Variants in UNC5D observed in about 807,000 individuals in gnomAD.
UNC5D encodes the protein unc-5 netrin receptor D, also known as netrin receptor UNC5D.
UNC5D carries 39 observed loss-of-function variants against 105.4 expected under a neutral mutation model. The ratio of observed to expected loss-of-function variants is 0.37; its 90% confidence interval spans 0.29 to 0.48. The LOEUF is 0.48. UNC5D is among the 20% of genes least tolerant of loss of function. The pLI is 0.98. For synonymous variants in UNC5D, 452 were observed against 450.4 expected (o/e 1.00, Z -0.04); for missense variants, 991 against 1,202.4 (o/e 0.82, Z 2.60).
At chr8:35,456,612 C>G (rs1484939738) in intron 1 of UNC5D, among the ~76,000 whole-genome samples, 1 of 152,132 alleles carries the variant, frequency 6.6e-6, no homozygotes, top group African/African-American at 2.4e-5. Flanking sequence ...TGTGACTTGT[C>G]AAAGCGTCAC....
At chr8:35,630,695 T>C (rs1821986326) in intron 4 of UNC5D, among the ~76,000 whole-genome samples, 1 of 152,138 alleles carries the variant, frequency 6.6e-6, no homozygotes, top group Non-Finnish European at 1.5e-5. Flanking sequence ...TAGTGATTCG[T>C]AAGGCGGGAA....
chr8:35,398,332 C>T (rs1209696101), intron 1 of UNC5D, among the ~76,000 whole-genome samples: 1 of 151,978 alleles, frequency 6.6e-6, no homozygotes, highest in Admixed American at 6.6e-5. Flanking sequence ...TATCATTTTC[C>T]ACCATACTAC....
intron 1 of UNC5D, among the ~76,000 whole-genome samples, chr8:35,357,916 G>T (rs1801649307): frequency 6.6e-6 from 1 of 151,374 alleles, no homozygotes; most frequent in South Asian, 2.1e-4. Context: ...TTGTTTCTTT[G>T]CTTATTACCT....
intron 3 of UNC5D, among the ~76,000 whole-genome samples, chr8:35,579,860 T>G (rs1818357088): frequency 1.3e-5 from 2 of 152,186 alleles, no homozygotes; most frequent in Admixed American, 1.3e-4. Context: ...TCCCATTCAC[T>G]GCTGTCAAAG....
chr8:35,466,804 C>T (rs576699589), intron 1 of UNC5D, among the ~76,000 whole-genome samples: 102 of 152,194 alleles, frequency 6.7e-4, no homozygotes, highest in Non-Finnish European at 1.4e-3. Context: ...CAATCTCTGC[C>T]TCATAGGACT....
intron 1 of UNC5D, among the ~76,000 whole-genome samples, chr8:35,293,567 A>G (rs1807238717): frequency 6.6e-6 from 1 of 152,124 alleles, no homozygotes; most frequent in Non-Finnish European, 1.5e-5. Flanking sequence ...TCCAAGGATC[A>G]TATCTTGAAA....
intron 4 of UNC5D, among the ~76,000 whole-genome samples, chr8:35,658,896 C>T (rs745786917): frequency 1.3e-5 from 2 of 152,086 alleles, no homozygotes; most frequent in Non-Finnish European, 2.9e-5. Flanking sequence ...ACCTCATGAT[C>T]CGCCGGCCTC....
At chr8:35,786,475 C>T (rs948803273) in intron 16 of UNC5D, among the ~76,000 whole-genome samples, 2 of 152,116 alleles carry the variant, frequency 1.3e-5, no homozygotes, top group Non-Finnish European at 2.9e-5. Context: ...AGTCATTCTC[C>T]AGCCCTTCTC....
chr8:35,582,600 G>C (rs968629735), intron 3 of UNC5D, among the ~76,000 whole-genome samples: 2 of 152,150 alleles, frequency 1.3e-5, no homozygotes, highest in African/African-American at 4.8e-5. Context: ...GCCTCATCTT[G>C]TCCCGATTGA....
chr8:35,413,292 T>TGTGTGTGTGGTGTG (rs56157732), intron 1 of UNC5D, among the ~76,000 whole-genome samples: 2 of 127,976 alleles, frequency 1.6e-5, no homozygotes, highest in Admixed American at 8.1e-5. Context: ...TGTGTGTGTG[T>TGTGTGTGTGGTGTG]TGTGTGTGTG....
intron 4 of UNC5D, among the ~76,000 whole-genome samples, chr8:35,664,204 C>T (rs933783227): frequency 6.6e-6 from 1 of 152,070 alleles, no homozygotes; most frequent in African/African-American, 2.4e-5. Context: ...TTATCACTGC[C>T]AACCTAAAGC....
chr8:35,366,913 G>C (rs1019979785), intron 1 of UNC5D, among the ~76,000 whole-genome samples: 6 of 152,264 alleles, frequency 3.9e-5, no homozygotes, highest in South Asian at 2.1e-4. Flanking sequence ...TGTCATAATA[G>C]AGATCATTCT....
At chr8:35,709,273 C>A (rs778511105) in intron 8 of UNC5D, among the ~76,000 whole-genome samples, 24 of 152,264 alleles carry the variant, frequency 1.6e-4, no homozygotes, top group South Asian at 6.2e-4. Context: ...CAGGAAAAAA[C>A]CAGAAAATGC....
chr8:35,630,799 G>A (rs184588054), intron 4 of UNC5D, among the ~76,000 whole-genome samples: 3 of 152,072 alleles, frequency 2.0e-5, no homozygotes, highest in African/African-American at 4.8e-5. Flanking sequence ...GTACTGGGGT[G>A]GGGGGGAATA....
intron 13 of UNC5D, among the ~76,000 whole-genome samples, chr8:35,756,010 C>T (rs1204571648): frequency 6.6e-6 from 1 of 152,090 alleles, no homozygotes; most frequent in Non-Finnish European, 1.5e-5. Context: ...ATACAGTAGG[C>T]TCAGGGAACT....
intron 14 of UNC5D, among the ~76,000 whole-genome samples, chr8:35,764,390 G>A (rs1668286001): frequency 6.6e-6 from 1 of 152,104 alleles, no homozygotes; most frequent in African/African-American, 2.4e-5. Flanking sequence ...CAGTACAGTA[G>A]GCAGAAAGAG....
intron 1 of UNC5D, among the ~76,000 whole-genome samples, chr8:35,350,395 T>A (rs190610754): frequency 2.0e-5 from 3 of 152,160 alleles, no homozygotes; most frequent in Admixed American, 2.0e-4. Context: ...TAGGTGTCTT[T>A]GTCTATTTCA....
At chr8:35,394,933 C>T (rs1469437241) in intron 1 of UNC5D, among the ~76,000 whole-genome samples, 1 of 152,090 alleles carries the variant, frequency 6.6e-6, no homozygotes, top group Non-Finnish European at 1.5e-5. Flanking sequence ...CAGAAACAAG[C>T]AGAGTGCCCA....
At chr8:35,783,015 C>T (rs1389358704) in intron 16 of UNC5D, among the ~76,000 whole-genome samples, 3 of 151,952 alleles carry the variant, frequency 2.0e-5, no homozygotes, top group Non-Finnish European at 4.4e-5. Flanking sequence ...TGGTGATGCT[C>T]ACCTGTGGTC....
Sources: gnomAD v4.1 joint callset for allele counts (sites outside exome capture counted in the v4.1 genomes callset) on GRCh38, gnomAD v4.1.1 for gene constraint, MANE v1.5 for transcripts, NCBI Gene and HGNC (gene_info 2026-07-23, HGNC 2026-07-21) for gene names.